The following LRRC43 variants were observed in gnomAD, a reference collection of about 807,000 sequenced individuals.
LRRC43 encodes leucine rich repeat containing 43.
A neutral mutation model predicts 64.3 loss-of-function variants in LRRC43; 62 were observed. The ratio of observed to expected loss-of-function variants is 0.96; its 90% CI spans 0.79 to 1.19. The LOEUF is 1.19. Among genes scored for constraint, LRRC43 ranks in the 50% most tolerant of loss-of-function variants. LRRC43 has a pLI of 0.00. For missense variants in LRRC43, 868 were observed against 845.0 expected (o/e 1.03, Z -0.34); for synonymous variants, 422 against 382.3 (o/e 1.10, Z -1.21).
At chr12:122,183,073 G>A, upstream of LRRC43, 1 of 1,496,568 alleles carries the variant, frequency 6.7e-7, no homozygotes. Context: ...CTCGGGGCAG[G>A]TGAGAGCGCC....
Position 122,203,375 on chromosome 12 carries a change from T to A in LRRC43, c.1904T>A (p.Val635Glu). ...EGDYHPEPLTVEVQIQLNQCR... is the reference protein window; with the variant it reads ...EGDYHPEPLTEEVQIQLNQCR... Reference sequence around the variant, plus strand: ...GATTACCACCCTGAGCCCCTGACCGTAGAGGTGCAGATCCAGCTGAACCAG... The same window carrying A: ...GATTACCACCCTGAGCCCCTGACCGAAGAGGTGCAGATCCAGCTGAACCAG... Residue 635 changes from valine (V) to glutamate (E), a missense_variant, in exon 12 of 12, where the codon GTA (valine) becomes GAA (glutamate). Physicochemically the swap from Val to Glu is moderately radical, Grantham distance 121 (BLOSUM62 -2). Transcript: ENST00000339777. 1 of 1,613,394 alleles carries A rather than the reference T, an allele frequency of 6.2e-7. No individual in the cohort carries two copies. Among genetic ancestry groups the A allele is most frequent in the Non-Finnish European group, 8.5e-7 (1 of 1,179,920 alleles).
At chr12:122,198,692 C>G (rs12426902) in intron 7 of LRRC43, among the ~76,000 whole-genome samples, 1 of 135,190 alleles carries the variant, frequency 7.4e-6, no homozygotes, top group Non-Finnish European at 1.5e-5. Context: ...GGCAGTGGTG[C>G]GATCTCGGCT....
At chr12:122,183,371 C>G in intron 1 of LRRC43, 77 bp downstream of exon 1, 1 of 1,353,586 alleles carries the variant, frequency 7.4e-7, no homozygotes, top group Non-Finnish European at 9.5e-7. Flanking sequence ...GCGGAGCGGG[C>G]TGGTCCCTGG....
chr12:122,200,062 C>A lies in LRRC43; in HGVS notation c.1350-127C>A, dbSNP rs1047847112. 5.9e-6 allele frequency: 6 copies of A among 1,024,698 alleles called. No individual in the cohort carries two copies. In the Admixed American group the frequency reaches 9.4e-5, roughly 16 times the overall value. The allele number at this position is 1,024,698 out of a possible 1,614,324, so 63.5% of individuals were successfully genotyped here. A position where few individuals can be genotyped will look rare whatever the true frequency, so the allele number is the denominator to read the frequency against. On this transcript the variant is annotated intron_variant, in intron 7 of 11. Coordinates refer to ENST00000339777, the MANE Select transcript of LRRC43 (RefSeq NM_001098519.2). The surrounding 1 kb of genome is among the most constrained non-coding windows in gnomAD (Gnocchi z 4.6). ...CCTGCCTGGTGGCAGCCGGACCTCACGTCTCATGCTGTTTGTGGGCTTCGA... is the reference window on the plus strand; with the variant it reads ...CCTGCCTGGTGGCAGCCGGACCTCAAGTCTCATGCTGTTTGTGGGCTTCGA...
In LRRC43 at chr12:122,186,245, T is replaced by C. The variant is rs1953642645; in HGVS notation, c.467T>C (p.Leu156Pro). Residue 156 changes from leucine to proline, a missense_variant, in exon 3 of 12, where the codon CTG becomes CCG. Physicochemically the swap from Leu to Pro is moderately conservative, Grantham distance 98 (BLOSUM62 -3). Transcript: ENST00000339777. ...TTTCTAAAGCTGGAGGAGTTGGTAC[T>C]GAGCGCCAATCGAATCAAGGAGGTG... ...LKFLKLEELVLSANRIKEVDA... is the reference protein window; with the variant it reads ...LKFLKLEELVPSANRIKEVDA... The C allele has an allele frequency of 6.2e-7, 1 of 1,606,968 alleles. No individual in the cohort carries two copies. Among genetic ancestry groups the C allele is most frequent in the Non-Finnish European group, 8.5e-7 (1 of 1,177,084 alleles).
chr12:122,167,856 C>G (rs1326344929), intron 1 of LRRC43: 1 of 151,084 alleles, frequency 6.6e-6, no homozygotes, highest in Non-Finnish European at 1.5e-5. Flanking sequence ...ACTCTGTTGC[C>G]CAGGCTGGAG....
At chr12:122,179,982 A>AC (rs1157020419), upstream of LRRC43, among the ~76,000 whole-genome samples, 1 of 151,806 alleles carries the variant, frequency 6.6e-6, no homozygotes, top group East Asian at 1.9e-4. Flanking sequence ...AAAAAAAAAA[A>AC]AAAAAAGAGA....
intron 7 of LRRC43, among the ~76,000 whole-genome samples, chr12:122,199,158 A>G (rs892384687): frequency 1.3e-5 from 2 of 151,474 alleles, no homozygotes; most frequent in African/African-American, 2.4e-5. Flanking sequence ...TGGTAGAACA[A>G]TTTATGTTAA....
intron 1 of LRRC43, among the ~76,000 whole-genome samples, chr12:122,170,224 G>T (rs1248161149): frequency 1.3e-5 from 2 of 152,184 alleles, no homozygotes; most frequent in Non-Finnish European, 2.9e-5. Context: ...TATGTGTAAA[G>T]GTGTTCTGAT....
rs114611063 is a variant in LRRC43 at position 122,187,830 on chromosome 12, G to T, written c.652G>T (p.Ala218Ser). The T allele has an allele frequency of 5.6e-6, 9 of 1,613,826 alleles. No individual in the cohort carries two copies. Among genetic ancestry groups the T allele is most frequent in the African/African-American group, 5.3e-5 (4 of 74,880 alleles). The change falls in exon 4 of 12, where the codon GCT becomes TCT. Residue 218 changes from alanine to serine, a missense_variant. Ala to Ser is a moderately conservative substitution (Grantham distance 99, BLOSUM62 1). Coordinates refer to ENST00000339777, the MANE Select transcript of LRRC43 (RefSeq NM_001098519.2). ...CCCCTTGGAAAGTCTCTACGTCACC[G>T]CTAATCACTGGTAACTCGGGAGCCC... ...LGPLESLYVT[A>S]NHWPNLVSLD...
intron 1 of LRRC43, chr12:122,172,329 C>A: frequency 1.0e-6 from 1 of 986,770 alleles, no homozygotes; most frequent in Non-Finnish European, 1.5e-6. Flanking sequence ...CTTAAGGAAT[C>A]ACGGCAGAGT....
In LRRC43 at chr12:122,183,250, C is replaced by T. The variant is rs377569418; in HGVS notation, c.106C>T (p.Arg36Trp). The change falls in exon 1 of 12, where the codon CGG becomes TGG. Residue 36 changes from arginine to tryptophan, a missense_variant. Physicochemically the swap from Arg to Trp is moderately radical, Grantham distance 101. Transcript: ENST00000339777. ...GAGCGCGGCCGTGCGCGAGCACTTG[C>T]GGAAGCTGTGTCTGCGCGAGTTCCC... ...TVSAAVREHL[R>W]KLCLREFPCG... 1.3e-6 allele frequency: 2 copies of T among 1,569,258 alleles called. No individual in the cohort carries two copies. Among genetic ancestry groups the T allele is most frequent in the East Asian group, 2.4e-5 (1 of 41,142 alleles).
chr12:122,188,380 T>C (rs1470318480), intron 4 of LRRC43, among the ~76,000 whole-genome samples: 1 of 152,018 alleles, frequency 6.6e-6, no homozygotes, highest in Non-Finnish European at 1.5e-5. Context: ...GTGCTGGGAT[T>C]ACAGGCGTGA....
chr12:122,181,522 G>A (rs150823250), upstream of LRRC43, among the ~76,000 whole-genome samples: 9 of 150,192 alleles, frequency 6.0e-5, no homozygotes, highest in African/African-American at 1.7e-4. Flanking sequence ...CAGCCTGGAC[G>A]GCAGAGGGAG....
Position 122,184,504 on chromosome 12 carries a change from C to T in LRRC43, c.151-15C>T, listed in dbSNP as rs902627097. 6.2e-7 allele frequency: 1 copy of T among 1,611,010 alleles called. No individual in the cohort carries two copies. The highest frequency in any genetic ancestry group is 1.3e-5 in the African/African-American group (1 of 74,876). On this transcript the variant is annotated splice_polypyrimidine_tract_variant and intron_variant, in intron 1 of 11. Transcript: ENST00000339777. This position sits in a 1 kb window ranked among gnomAD's most constrained non-coding sequence, Gnocchi z 4.0. ...TGTGTCACACCTACAGAAAATCCCT[C>T]CTCTGCCACTGCAGAATAAGTCGCG... is the stretch of plus-strand genomic sequence containing the variant.
At chr12:122,180,476 G>A (rs573409981), upstream of LRRC43, among the ~76,000 whole-genome samples, 8 of 152,070 alleles carry the variant, frequency 5.3e-5, no homozygotes, top group African/African-American at 1.7e-4. Flanking sequence ...CCAAGATTGC[G>A]CCACTGCACT....
At chr12:122,171,919 G>A (rs1189801529) in intron 1 of LRRC43, 1 of 155,482 alleles carries the variant, frequency 6.4e-6, no homozygotes, top group Non-Finnish European at 1.4e-5. Flanking sequence ...AATGACAGTG[G>A]TAGAAGCGAT....
chr12:122,187,013 T>A (rs1953652844), intron 3 of LRRC43, among the ~76,000 whole-genome samples: 1 of 152,046 alleles, frequency 6.6e-6, no homozygotes, highest in Non-Finnish European at 1.5e-5. Context: ...GTGGGCAGAT[T>A]GCCTGTTCTC....
chr12:122,168,636 A>G (rs1220217393), intron 1 of LRRC43, among the ~76,000 whole-genome samples: 1 of 152,138 alleles, frequency 6.6e-6, no homozygotes, highest in African/African-American at 2.4e-5. Context: ...CAGTACAGAG[A>G]GTTCCTATAT....
Sources: allele counts gnomAD v4.1 joint callset (sites outside exome capture counted in the v4.1 genomes callset), GRCh38; gene constraint gnomAD v4.1.1; non-coding constraint Gnocchi (gnomAD v3.1); transcripts MANE v1.5; gene names NCBI Gene and HGNC (gene_info 2026-07-23, HGNC 2026-07-21).